The following PROSER1 variants were observed in gnomAD, a reference collection of about 807,000 sequenced individuals.
PROSER1 encodes the protein proline and serine rich 1.
Under a neutral mutation model 71.8 loss-of-function variants are expected in PROSER1, and 36 were observed. The ratio of observed to expected loss-of-function variants is 0.50; its 90% confidence interval spans 0.38 to 0.66. The LOEUF is 0.66. PROSER1 is among the 30% of genes least tolerant of loss of function. The pLI is 0.00. For synonymous variants in PROSER1, 490 were observed against 452.4 expected (o/e 1.08, Z -1.06); for missense variants, 1,107 against 1,135.0 (o/e 0.98, Z 0.35).
chr13:39,018,599 A>C (rs1347377618), intron 9 of PROSER1, among the ~76,000 whole-genome samples: 1 of 152,150 alleles, frequency 6.6e-6, no homozygotes, highest in Non-Finnish European at 1.5e-5. Context: ...TAAAGATTAG[A>C]AATAAAATGA....
At chr13:39,026,483 A>C (rs1870552568) in intron 5 of PROSER1, 96 bp from the exon 6 acceptor site, 3 of 693,510 alleles carry the variant, frequency 4.3e-6, no homozygotes, top group Admixed American at 2.8e-5. Flanking sequence ...TGAATTAAAG[A>C]ACAGCACTAC....
rs1313512068 is a variant in PROSER1, at chr13:39,022,402, G to A, written c.654C>T (p.Asn218=). 3.7e-6 allele frequency: 6 copies of A among 1,610,988 alleles called. No homozygotes were observed. Among genetic ancestry groups the A allele is most frequent in the Non-Finnish European group, 5.1e-6 (6 of 1,177,310 alleles). Residue 218 remains asparagine, a synonymous_variant, in exon 9 of 13, where the codon AAC becomes AAT. Coordinates refer to ENST00000352251, the MANE Select transcript of PROSER1 (RefSeq NM_025138.5). ...PHATIAPSAY[N]NAGLVPLANV... ...TCGCTAATGGTACCAGACCTGCATT[G>A]TTATAAGCACCTAAAATAAAAACAC...
At chr13:39,019,514 C>T (rs1870184542) in intron 9 of PROSER1, among the ~76,000 whole-genome samples, 1 of 53,036 alleles carries the variant, frequency 1.9e-5, no homozygotes, top group Admixed American at 2.4e-4. Context: ...AAAACTCTGT[C>T]TCAAAAAAAA....
In PROSER1 at chr13:39,020,367, T is replaced by TACAC. The variant is rs147228249; in HGVS notation, c.730+1955_730+1958dup. ...AAATTACTATATAGCTCTCTCTCTGTACACACACACACACACCCCTGTTGT... is the reference window on the plus strand; with the variant it reads ...AAATTACTATATAGCTCTCTCTCTGTACACACACACACACACACACCCCTGTTGT... On this transcript the variant is annotated intron_variant, in intron 9 of 12. Transcript: ENST00000352251. Among the ~76,000 whole-genome samples the TACAC allele has an allele frequency of 4.6e-5, 7 of 150,646 alleles. No individual in the cohort carries two copies. In the South Asian group the frequency reaches 6.3e-4, roughly 14 times the overall value.
Position 39,024,562 on chromosome 13 carries a change from A to G in PROSER1, c.481-6T>C, listed in dbSNP as rs1259178337. 4.0e-6 allele frequency: 1 copy of G among 248,146 alleles called. No individual in the cohort carries two copies. Among genetic ancestry groups the G allele is most frequent in the Non-Finnish European group, 5.9e-6 (1 of 168,084 alleles). The allele number at this position is 248,146 out of a possible 1,614,324, so 15.4% of individuals were successfully genotyped here. On this transcript the variant is annotated splice_polypyrimidine_tract_variant and splice_region_variant and intron_variant, in intron 6 of 12. Transcript: ENST00000352251. Reference sequence around the variant, plus strand: ...TCTTTTTTCAAAGGAGTTCCCTATTAAAAAAAAAAAAAAAAGGTAATTGAA... The same window carrying G: ...TCTTTTTTCAAAGGAGTTCCCTATTGAAAAAAAAAAAAAAAGGTAATTGAA...
rs767925716 is a variant in PROSER1, at chr13:39,013,450, G to C, written c.1802C>G (p.Thr601Arg). The C allele has an allele frequency of 6.2e-6, 10 of 1,614,138 alleles. No individual in the cohort carries two copies. The highest frequency in any genetic ancestry group is 8.5e-6 in the Non-Finnish European group (10 of 1,180,042). The stretch of plus-strand genomic sequence containing the variant: ...AGTTTTGATCATAACAGGAAGAGTT[G>C]TTGCAGCAGGGGTAGATGAAATATG... ...DLHISSTPAA[T>R]TLPVMIKTEP... Residue 601 changes from threonine to arginine, a missense_variant, in exon 11 of 13, where the codon ACA (threonine) becomes AGA (arginine). Physicochemically the swap from Thr to Arg is moderately conservative, Grantham distance 71. Coordinates refer to ENST00000352251, the MANE Select transcript of PROSER1 (RefSeq NM_025138.5).
In PROSER1 at chr13:39,020,368, A is replaced by G. The variant is rs553483577; in HGVS notation, c.730+1958T>C. On this transcript the variant is annotated intron_variant, in intron 9 of 12. Coordinates refer to ENST00000352251, the MANE Select transcript of PROSER1 (RefSeq NM_025138.5). ...AATTACTATATAGCTCTCTCTCTGT[A>G]CACACACACACACACCCCTGTTGTT... Among the ~76,000 whole-genome samples the G allele has an allele frequency of 3.9e-4, 59 of 149,408 alleles. 3 individuals are homozygous for G. In the South Asian group the frequency reaches 0.011, roughly 29 times the overall value.
At chr13:39,017,799 A>G (rs1020733715) in intron 9 of PROSER1, 2 of 358,844 alleles carry the variant, frequency 5.6e-6, no homozygotes, top group Non-Finnish European at 9.9e-6. Flanking sequence ...ATCCCCTAGC[A>G]TCTCTACCTT....
chr13:39,016,138 G>T (rs1253169180), intron 10 of PROSER1, among the ~76,000 whole-genome samples: 1 of 152,084 alleles, frequency 6.6e-6, no homozygotes, highest in Non-Finnish European at 1.5e-5. Context: ...CATAGCACTT[G>T]CAGGTAAAAA....
In PROSER1 at chr13:39,037,956, A is replaced by C. The variant is rs1490098334; in HGVS notation, c.-714T>G. ...CCTCGCATAGGGGGACTCCGGAAAA[A>C]CGCAGCCCCAACAGCGCCAGACGCC... On this transcript the variant is annotated 5_prime_UTR_variant, in exon 1 of 13. Transcript: ENST00000352251. 1 of 152,460 alleles carries C rather than the reference A, an allele frequency of 6.6e-6. No homozygotes were observed. The highest frequency in any genetic ancestry group is 1.5e-5 in the Non-Finnish European group (1 of 68,350). The allele number at this position is 152,460 out of a possible 1,614,324, so 9.4% of individuals were successfully genotyped here. A position where few individuals can be genotyped will look rare whatever the true frequency, so the allele number is the denominator to read the frequency against.
Position 39,012,747 on chromosome 13 carries a change from T to A in PROSER1, c.2505A>T (p.Pro835=). The change falls in exon 11 of 13, where the codon CCA becomes CCT. Residue 835 remains proline, a synonymous_variant. Coordinates refer to ENST00000352251, the MANE Select transcript of PROSER1 (RefSeq NM_025138.5). The part of the protein sequence containing the change: ...ATAPSPAPVL[P]GFASAFSSNF... The stretch of plus-strand genomic sequence containing the variant: ...TGGAACTGAATGCTGAGGCGAATCC[T>A]GGGAGGACTGGAGCTGGGGATGGGG... 1 of 1,612,172 alleles carries A rather than the reference T, an allele frequency of 6.2e-7. No homozygotes were observed. The highest frequency in any genetic ancestry group is 1.3e-5 in the African/African-American group (1 of 74,946).
At chr13:39,012,570 A>C (rs1367802507) in intron 11 of PROSER1, 121 bp downstream of exon 11, 7 of 847,260 alleles carry the variant, frequency 8.3e-6, no homozygotes, top group East Asian at 2.7e-5. Context: ...CAGAGTGCTA[A>C]AGTTTTCACC....
Position 39,014,115 on chromosome 13 carries a change from A to C in PROSER1, c.1137T>G (p.Thr379=). ...ACCGTGGTGTAGGTCCTGGGGTAGG[A>C]GTGGCTGCGGTAGGAGTGGCAGAAG... The part of the protein sequence containing the change: ...PGPSATPTAA[T]PTPGPTPRST... The change falls in exon 11 of 13, where the codon ACT becomes ACG. Residue 379 remains threonine, a synonymous_variant. Transcript: ENST00000352251. 1.2e-6 allele frequency: 2 copies of C among 1,613,064 alleles called. No homozygotes were observed. Among genetic ancestry groups the C allele is most frequent in the Non-Finnish European group, 1.7e-6 (2 of 1,179,678 alleles).
chr13:39,026,600 G>A (rs1343851001), intron 5 of PROSER1: 1 of 447,380 alleles, frequency 2.2e-6, no homozygotes, highest in Non-Finnish European at 3.9e-6. Context: ...ACATAATAAT[G>A]CTGCAACAGA....
chr13:39,012,487 T>C (rs1869712122), intron 11 of PROSER1: 1 of 642,632 alleles, frequency 1.6e-6, no homozygotes, highest in African/African-American at 1.8e-5. Context: ...AACTATCAAA[T>C]ACAAATCCAA....
intron 10 of PROSER1, among the ~76,000 whole-genome samples, chr13:39,016,826 G>C (rs1386776165): frequency 5.9e-5 from 9 of 152,166 alleles, no homozygotes; most frequent in Non-Finnish European, 1.5e-5. Context: ...TCAGGGAATG[G>C]AATTCTCCCA....
At chr13:39,018,162 G>T (rs532931342) in intron 9 of PROSER1, among the ~76,000 whole-genome samples, 37 of 152,296 alleles carry the variant, frequency 2.4e-4, no homozygotes, top group Non-Finnish European at 4.6e-4. Flanking sequence ...AACTAGCCTA[G>T]TTGAGGCTAA....
chr13:39,037,101 G>C, intron 1 of PROSER1, 97 bp downstream of exon 1: 1 of 911,154 alleles, frequency 1.1e-6, no homozygotes, highest in Non-Finnish European at 1.8e-6. Flanking sequence ...GCAATCCTAG[G>C]ACCCTTATTC....
chr13:39,034,234 C>T (rs1479554382), intron 1 of PROSER1, 38 bp from the exon 2 acceptor site: 1 of 1,496,746 alleles, frequency 6.7e-7, no homozygotes, highest in African/African-American at 1.4e-5. Context: ...AGTAAAACAG[C>T]ATTAATATAC....
Sources: allele counts gnomAD v4.1 joint callset (sites outside exome capture counted in the v4.1 genomes callset), GRCh38; gene constraint gnomAD v4.1.1; transcripts MANE v1.5; gene names NCBI Gene and HGNC (gene_info 2026-07-23, HGNC 2026-07-21).